Variants in RBFOX3 observed in about 807,000 individuals in gnomAD.
RBFOX3 encodes RNA binding protein fox-1 homolog 3.
A neutral mutation model predicts 48.7 loss-of-function variants in RBFOX3; 17 were observed. The ratio of observed to expected loss-of-function variants is 0.35; its 90% CI spans 0.24 to 0.52. The LOEUF (loss-of-function observed/expected upper bound fraction) is 0.52. Ranked by LOEUF, RBFOX3 falls within the 20% of genes least tolerant of loss-of-function variation. The probability of loss-of-function intolerance (pLI) is 0.94; values close to 1 mark genes in which losing one functional copy is unlikely to be tolerated. For missense variants in RBFOX3, 382 were observed against 497.5 expected, an observed-to-expected ratio of 0.77 and a Z score of 2.21; for synonymous variants, 212 against 209.5, an observed-to-expected ratio of 1.01 and a Z score of -0.10.
intron 4 of RBFOX3, among the ~76,000 whole-genome samples, chr17:79,163,419 TG>T (rs1162033218): frequency 6.6e-6 from 1 of 152,200 alleles, no homozygotes; most frequent in Non-Finnish European, 1.5e-5. Context: ...CAGGCTGTGG[TG>T]GGGCAGAGTG....
chr17:79,330,234 GGTAGA>G (rs1327137665), intron 2 of RBFOX3, among the ~76,000 whole-genome samples: 2 of 152,150 alleles, frequency 1.3e-5, no homozygotes, highest in Admixed American at 1.3e-4. Context: ...CCTGACCCCC[GGTAGA>G]GTAGACACTG....
At chr17:79,272,534 G>C (rs114213825) in intron 3 of RBFOX3, among the ~76,000 whole-genome samples, 1 of 152,178 alleles carries the variant, frequency 6.6e-6, no homozygotes, top group East Asian at 1.9e-4. Context: ...CCCTGCCCAC[G>C]CGGGGCCACG....
intron 4 of RBFOX3, among the ~76,000 whole-genome samples, chr17:79,163,831 G>A (rs1486008975): frequency 6.6e-6 from 1 of 152,240 alleles, no homozygotes; most frequent in Non-Finnish European, 1.5e-5. Flanking sequence ...GGTGCTGTGG[G>A]TGTCTCTGGG....
At chr17:79,536,142 T>G (rs1376610744) in intron 1 of RBFOX3, among the ~76,000 whole-genome samples, 1 of 150,872 alleles carries the variant, frequency 6.6e-6, no homozygotes, top group Non-Finnish European at 1.5e-5. Flanking sequence ...AGTGGCGTGA[T>G]CTCAGCTTAC....
chr17:79,146,607 C>G (rs2043087833), intron 4 of RBFOX3, among the ~76,000 whole-genome samples: 1 of 152,232 alleles, frequency 6.6e-6, no homozygotes, highest in Non-Finnish European at 1.5e-5. Flanking sequence ...GCCAGACAAG[C>G]CTTGTGCCTC....
In RBFOX3 at chr17:79,214,562, G is replaced by GC. The variant is rs1418386171; in HGVS notation, c.-34+21203_-34+21204insG. Among the ~76,000 whole-genome samples, 1 of 149,832 alleles carries GC rather than the reference G, an allele frequency of 6.7e-6. No individual in the cohort carries two copies. The highest frequency in any genetic ancestry group is 2.5e-5 in the African/African-American group (1 of 39,984). On this transcript the variant is annotated intron_variant, in intron 4 of 14. Transcript: ENST00000693108. The surrounding 1 kb of genome is among the most constrained non-coding windows in gnomAD (Gnocchi z 4.7). ...GGCAGGCCAAGTGGGAGGGATGTCT[G>GC]GGGGGGGTCTCGGAGGAAGCAGGAA...
intron 3 of RBFOX3, among the ~76,000 whole-genome samples, chr17:79,281,588 G>C (rs566427634): frequency 4.6e-5 from 7 of 152,302 alleles, no homozygotes; most frequent in Admixed American, 4.6e-4. Context: ...GTGAGCTTGG[G>C]TTGGCTCAGG....
intron 2 of RBFOX3, among the ~76,000 whole-genome samples, chr17:79,440,617 C>G (rs1184505103): frequency 6.6e-6 from 1 of 152,194 alleles, no homozygotes; most frequent in Non-Finnish European, 1.5e-5. Flanking sequence ...GCCATGGAAT[C>G]CACAACTAAA....
At position 79,220,568 on chromosome 17, in the gene RBFOX3, A is replaced by G. The variant is rs545666560; in HGVS notation, c.-34+15198T>C. On this transcript the variant is annotated intron_variant, in intron 4 of 14. Coordinates refer to ENST00000693108, the MANE Select transcript of RBFOX3 (RefSeq NM_001350451.2). This position sits in a 1 kb window ranked among gnomAD's most constrained non-coding sequence, Gnocchi z 5.9. The stretch of plus-strand genomic sequence containing the variant: ...AGTTGAACTACAGCGTCCTGATTCC[A>G]GCGCTCATCAAGCAGGGGACCCAGG... 1.3e-5 allele frequency among the ~76,000 whole-genome samples: 2 copies of G among 151,614 alleles called. No homozygotes were observed. Among genetic ancestry groups the G allele is most frequent in the Admixed American group, 1.3e-4 (2 of 15,258 alleles).
chr17:79,635,026 T>G, the RBFOX3 span, among the ~76,000 whole-genome samples: 16 of 116,188 alleles, frequency 1.4e-4, no homozygotes, highest in African/African-American at 5.1e-4. Flanking sequence ...CCCCACTGCA[T>G]TCCAGCTTGG....
chr17:79,415,519 GGA>G (rs1270765722), intron 2 of RBFOX3, among the ~76,000 whole-genome samples: 1 of 152,214 alleles, frequency 6.6e-6, no homozygotes, highest in Non-Finnish European at 1.5e-5. Context: ...CGCAGATGGA[GGA>G]GAGAGAAACT....
At chr17:79,244,696 G>GCCTTCCCTTCTCCCTTCCCTTC (rs58796548) in intron 3 of RBFOX3, among the ~76,000 whole-genome samples, 2 of 148,358 alleles carry the variant, frequency 1.3e-5, no homozygotes, top group Non-Finnish European at 3.0e-5. Flanking sequence ...CCCTCCTAGA[G>GCCTTCCCTTCTCCCTTCCCTTC]CCTTCCCTTC....
chr17:79,643,272 G>A, the RBFOX3 span, among the ~76,000 whole-genome samples: 3 of 152,040 alleles, frequency 2.0e-5, no homozygotes, highest in South Asian at 2.1e-4. Flanking sequence ...TATATAATTC[G>A]CAAGCATAAA....
At chr17:79,562,891 C>T (rs1215363655) in intron 1 of RBFOX3, among the ~76,000 whole-genome samples, 4 of 152,340 alleles carry the variant, frequency 2.6e-5, no homozygotes, top group Non-Finnish European at 4.4e-5. Flanking sequence ...AGGAAAGACT[C>T]GACAGAGCTG....
intron 4 of RBFOX3, among the ~76,000 whole-genome samples, chr17:79,124,163 AG>A (rs1403847132): frequency 1.3e-5 from 2 of 152,222 alleles, no homozygotes; most frequent in Admixed American, 6.5e-5. Flanking sequence ...GTCTGAAATC[AG>A]CCCTGGTGGG....
intron 4 of RBFOX3, among the ~76,000 whole-genome samples, chr17:79,143,216 G>A (rs1273253398): frequency 2.6e-5 from 4 of 152,252 alleles, no homozygotes; most frequent in South Asian, 4.1e-4. Context: ...AGCACTGACC[G>A]GATCTTGGCT....
At chr17:79,253,207 C>T (rs1279467718) in intron 3 of RBFOX3, among the ~76,000 whole-genome samples, 2 of 152,180 alleles carry the variant, frequency 1.3e-5, no homozygotes, top group African/African-American at 2.4e-5. Context: ...CAAGAGCTGC[C>T]AAAGCCAGAC....
chr17:79,598,163 G>T (rs2093612762), intron 1 of RBFOX3: 1 of 152,300 alleles, frequency 6.6e-6, no homozygotes, highest in African/African-American at 2.4e-5. Context: ...AGCCACAGGA[G>T]CAGGAGCGCT....
At chr17:79,094,572 AG>A (rs751911820) in intron 13 of RBFOX3, 43 bp from the exon 14 acceptor site, 8 of 105,826 alleles carry the variant, frequency 7.6e-5, no homozygotes, top group East Asian at 5.1e-4. Context: ...AGGGTGGGGG[AG>A]GGGGGCAGGT....
Sources: gnomAD v4.1 joint callset for allele counts (sites outside exome capture counted in the v4.1 genomes callset) on GRCh38, gnomAD v4.1.1 for gene constraint, Gnocchi (gnomAD v3.1) non-coding constraint, MANE v1.5 for transcripts, NCBI Gene and HGNC (gene_info 2026-07-23, HGNC 2026-07-21) for gene names.